Variants in ASB2 observed in about 807,000 individuals in gnomAD.
ASB2 encodes ankyrin repeat and SOCS box protein 2.
In ASB2, 58 loss-of-function variants were observed where a neutral mutation model predicts 62.4. The observed-to-expected ratio is 0.93, with a 90% CI of 0.75 to 1.16. The LOEUF is 1.16. ASB2 is among the 50% of genes most tolerant of loss of function. ASB2 has a pLI of 0.00. For synonymous variants in ASB2, 386 were observed against 385.3 expected (o/e 1.00, Z -0.02); for missense variants, 928 against 887.9 (o/e 1.05, Z -0.57).
chr14:93,967,472 T>C (rs1889629482), intron 1 of ASB2, among the ~76,000 whole-genome samples: 1 of 152,212 alleles, frequency 6.6e-6, no homozygotes, highest in East Asian at 1.9e-4. Context: ...GGTGCCACCA[T>C]CTAAAGGTGT....
intron 7 of ASB2, among the ~76,000 whole-genome samples, chr14:93,945,506 C>T (rs1157892182): frequency 6.6e-6 from 1 of 152,230 alleles, no homozygotes; most frequent in Non-Finnish European, 1.5e-5. Context: ...ATCCATTTTA[C>T]TGGTCCTCCG....
chr14:93,975,227 C>A (rs911882046), intron 1 of ASB2, among the ~76,000 whole-genome samples: 1 of 152,264 alleles, frequency 6.6e-6, no homozygotes, highest in Non-Finnish European at 1.5e-5. Flanking sequence ...TTCAGAAGAG[C>A]ATTCCTGTCC....
In ASB2 at chr14:93,937,182, C is replaced by T. The variant is rs151311785; in HGVS notation, c.1771+516G>A. 4.0e-3 allele frequency among the ~76,000 whole-genome samples: 603 copies of T among 152,334 alleles called. 2 individuals carry two copies. The highest frequency in any genetic ancestry group is 0.013 in the African/African-American group (555 of 41,574). ...GGCCTGTCTCCCACACCAGGGTGTT[C>T]TGTGCACCAACAGCCTTGGTGTCAC... On this transcript the variant is annotated intron_variant, in intron 9 of 9. Coordinates refer to ENST00000555019, the MANE Select transcript of ASB2 (RefSeq NM_001202429.2).
At position 93,957,331 on chromosome 14, in the gene ASB2, G is replaced by GCA. The variant is rs1421946543; in HGVS notation, c.207-462_207-461insTG. The GCA allele has an allele frequency of 5.7e-4, 601 of 1,045,220 alleles. 6 individuals are homozygous for GCA. The African/African-American group carries it at 9.6e-3, about 17-fold the overall frequency. The allele number at this position is 1,045,220 out of a possible 1,614,324, so 64.7% of individuals were successfully genotyped here. On this transcript the variant is annotated intron_variant, in intron 2 of 9. Coordinates refer to ENST00000555019, the MANE Select transcript of ASB2 (RefSeq NM_001202429.2). ...GCAGAGGATAGGGGAGCAAAGCTGAGAAGCCAAGCTGTACCTGTGCCCCCC... is the reference window on the plus strand; with the variant it reads ...GCAGAGGATAGGGGAGCAAAGCTGAGCAAAGCCAAGCTGTACCTGTGCCCCCC...
Position 93,953,485 on chromosome 14 carries a change from CTGGTCGA to C in ASB2, c.494_500del (p.Ile165SerfsTer55). The C allele has an allele frequency of 6.3e-7, 1 of 1,598,566 alleles. No homozygotes were observed. Among genetic ancestry groups the C allele is most frequent in the Non-Finnish European group, 8.6e-7 (1 of 1,168,096 alleles). On this transcript the variant is annotated frameshift_variant, in exon 5 of 10. Transcript: ENST00000555019. LOFTEE classifies it high-confidence loss of function. ...CGGCTGTTTCCTCCTGCAGGGTGCG[CTGGTCGA>C]TGGTCCCTGGGTACGCTAGGGAGGG...
chr14:93,968,716 G>A (rs1407294514), intron 1 of ASB2, among the ~76,000 whole-genome samples: 1 of 152,214 alleles, frequency 6.6e-6, no homozygotes, highest in Non-Finnish European at 1.5e-5. Flanking sequence ...ACAGGACCTT[G>A]AGAAAGTCTA....
chr14:93,967,558 G>T (rs12434295), intron 1 of ASB2, among the ~76,000 whole-genome samples: 18,000 of 152,260 alleles, frequency 0.12, 2,515 homozygotes, highest in African/African-American at 0.34. Flanking sequence ...GCCCTGCTAA[G>T]GCCAAAGTGC....
intron 7 of ASB2, chr14:93,942,146 A>C: frequency 2.2e-6 from 1 of 455,278 alleles, no homozygotes; most frequent in South Asian, 1.5e-5. Context: ...AGAGGACAGG[A>C]GGACAAGGGG....
chr14:93,956,050 C>T (rs761971300), intron 3 of ASB2, among the ~76,000 whole-genome samples: 12 of 152,212 alleles, frequency 7.9e-5, no homozygotes, highest in Non-Finnish European at 1.2e-4. Context: ...GGCCAATTGC[C>T]TCCTCCCTTC....
At chr14:93,942,321 C>G (rs777746218) in intron 7 of ASB2, 28 of 455,168 alleles carry the variant, frequency 6.2e-5, no homozygotes, top group Non-Finnish European at 8.4e-5. Flanking sequence ...CCTTCCTTGT[C>G]CCCTCCCCAA....
intron 7 of ASB2, chr14:93,942,113 C>T (rs1165465008): frequency 4.4e-6 from 2 of 452,894 alleles, no homozygotes; most frequent in Admixed American, 2.3e-5. Context: ...CATCACTCCT[C>T]TTCCCAGCCC....
In ASB2 at chr14:93,934,261, T is replaced by G; in HGVS notation, c.*395A>C. The G allele has an allele frequency of 2.2e-6, 1 of 458,498 alleles. No homozygotes were observed. The highest frequency in any genetic ancestry group is 3.3e-4 in the Middle Eastern group (1 of 3,060). 28.4% of individuals were successfully genotyped at this position (458,498 alleles called of 1,614,324 possible). A position where few individuals can be genotyped will look rare whatever the true frequency, so the allele number is the denominator to read the frequency against. ...ACCTTGGGCCACGTCTTCATCTTAG[T>G]CTTTGGAGAGAAAGCTCTGAAGTCA... On this transcript the variant is annotated 3_prime_UTR_variant, in exon 10 of 10. Transcript: ENST00000555019.
intron 1 of ASB2, among the ~76,000 whole-genome samples, chr14:93,971,192 G>A (rs573287336): frequency 2.2e-4 from 33 of 152,182 alleles, no homozygotes; most frequent in African/African-American, 7.2e-4. Flanking sequence ...CAAAACTGCC[G>A]CTGTGACTGT....
At chr14:93,953,030 TC>T (rs1889030283) in intron 5 of ASB2, among the ~76,000 whole-genome samples, 2 of 152,094 alleles carry the variant, frequency 1.3e-5, no homozygotes, top group Admixed American at 6.5e-5. Flanking sequence ...TGGGTGCCCC[TC>T]CCCCATGCTC....
At chr14:93,941,803 G>A (rs1888536438) in intron 7 of ASB2, 1 of 415,150 alleles carries the variant, frequency 2.4e-6, no homozygotes. Flanking sequence ...CAGAAATGTG[G>A]GAACTTGAGC....
chr14:93,939,152 A>C lies in ASB2; in HGVS notation c.1573T>G (p.Phe525Val). Residue 525 changes from phenylalanine to valine, a missense_variant, in exon 8 of 10, where the codon TTC (phenylalanine) becomes GTC (valine). Physicochemically the swap from Phe to Val is conservative, Grantham distance 50. Transcript: ENST00000555019. ...HPPAPQPSSRFNDAPAADKEP... is the reference protein window; with the variant it reads ...HPPAPQPSSRVNDAPAADKEP... ...TTGTCGGCCGCGGGCGCGTCGTTGA[A>C]CCTGCTGGAGGGCTGCGGGGCCGGC... The C allele has an allele frequency of 1.3e-6, 2 of 1,577,752 alleles. No individual in the cohort carries two copies. Among genetic ancestry groups the C allele is most frequent in the Non-Finnish European group, 1.7e-6 (2 of 1,158,234 alleles).
intron 3 of ASB2, chr14:93,955,291 C>T (rs1415938638): frequency 1.0e-5 from 4 of 391,720 alleles, no homozygotes; most frequent in South Asian, 7.4e-5. Flanking sequence ...CTGCCACCAG[C>T]CCCTGCACTC....
At chr14:93,955,887 C>T (rs1024222389) in intron 3 of ASB2, among the ~76,000 whole-genome samples, 22 of 152,244 alleles carry the variant, frequency 1.4e-4, no homozygotes, top group East Asian at 1.9e-4. Flanking sequence ...GAGGGGACAG[C>T]GACTCTCAGG....
At chr14:93,960,863 G>T (rs1312765057) in intron 2 of ASB2, among the ~76,000 whole-genome samples, 1 of 151,900 alleles carries the variant, frequency 6.6e-6, no homozygotes, top group Non-Finnish European at 1.5e-5. Flanking sequence ...CATTGCTAGA[G>T]CTTTTTATTG....
Sources: gnomAD v4.1 joint callset for allele counts (sites outside exome capture counted in the v4.1 genomes callset) on GRCh38, gnomAD v4.1.1 for gene constraint, MANE v1.5 for transcripts, NCBI Gene and HGNC (gene_info 2026-07-23, HGNC 2026-07-21) for gene names.